TFAP2D: variants seen among roughly 807,000 people sequenced by gnomAD.
TFAP2D encodes transcription factor AP-2 delta.
In TFAP2D, 9 loss-of-function variants were observed where a neutral mutation model predicts 43.6. The ratio of observed to expected loss-of-function variants is 0.21; its 90% CI spans 0.12 to 0.36. TFAP2D has a LOEUF of 0.36. Among genes scored for constraint, TFAP2D ranks in the 10% least tolerant of loss-of-function variants. TFAP2D has a pLI of 1.00. For missense variants in TFAP2D, 513 were observed against 561.4 expected (o/e 0.91, Z 0.87); for synonymous variants, 256 against 224.9 (o/e 1.14, Z -1.24).
chr6:50,714,978 C>T, intron 1 of TFAP2D, 138 bp from the exon 2 acceptor site: 5 of 1,160,696 alleles, frequency 4.3e-6, no homozygotes, highest in Non-Finnish European at 5.9e-6. Context: ...GACCCGGCTT[C>T]GGCTCGGCCC....
In TFAP2D at chr6:50,715,385, G is replaced by C; in HGVS notation, c.309G>C (p.Gln103His). The change falls in exon 2 of 8, where the codon CAG becomes CAC. Residue 103 changes from glutamine to histidine, a missense_variant. By Grantham distance (24) the Gln-to-His change is conservative. Transcript: ENST00000008391. ...NSLHHSQQYY[Q>H]QIHHGEPTDF... ...TCCACCACTCGCAACAGTACTACCA[G>C]CAGATCCACCACGGGGAGCCCACCG... is the stretch of plus-strand genomic sequence containing the variant. The C allele has an allele frequency of 6.2e-6, 10 of 1,614,122 alleles. No individual in the cohort carries two copies. Among genetic ancestry groups the C allele is most frequent in the Non-Finnish European group, 7.6e-6 (9 of 1,180,032 alleles).
chr6:50,741,472 G>T (rs899672207), intron 5 of TFAP2D, among the ~76,000 whole-genome samples: 4 of 151,952 alleles, frequency 2.6e-5, no homozygotes, highest in African/African-American at 9.7e-5. Flanking sequence ...TGTATGTGTT[G>T]CTCCTTTCTA....
At chr6:50,747,694 C>T (rs9349553) in intron 6 of TFAP2D, among the ~76,000 whole-genome samples, 112,716 of 151,924 alleles carry the variant, frequency 0.74, 42,199 homozygotes, top group East Asian at 0.85. Flanking sequence ...AAATTGGCAC[C>T]GAGATTGTGT....
intron 7 of TFAP2D, among the ~76,000 whole-genome samples, chr6:50,752,633 C>T (rs745355827): frequency 3.2e-4 from 48 of 151,856 alleles, no homozygotes; most frequent in African/African-American, 1.1e-3. Context: ...CACAAGTTTC[C>T]TCAAGATGTA....
At chr6:50,736,466 GTTATCTA>G (rs1450165860) in intron 5 of TFAP2D, among the ~76,000 whole-genome samples, 2 of 152,156 alleles carry the variant, frequency 1.3e-5, no homozygotes, top group Non-Finnish European at 2.9e-5. Flanking sequence ...AAAACTTATT[GTTATCTA>G]TTATCTAAAA....
chr6:50,714,236 T>C, intron 1 of TFAP2D, 142 bp downstream of exon 1: 1 of 998,268 alleles, frequency 1.0e-6, no homozygotes, highest in Non-Finnish European at 1.4e-6. Context: ...AATCTGTCTT[T>C]CGGGGGAAGT....
At chr6:50,746,780 A>G (rs753432172) in intron 6 of TFAP2D, among the ~76,000 whole-genome samples, 1 of 152,142 alleles carries the variant, frequency 6.6e-6, no homozygotes, top group Non-Finnish European at 1.5e-5. Context: ...TTTGTCCAAG[A>G]CACTTGAGTC....
chr6:50,757,095 C>G (rs1769275668), intron 7 of TFAP2D, among the ~76,000 whole-genome samples: 2 of 151,626 alleles, frequency 1.3e-5, no homozygotes, highest in Non-Finnish European at 2.9e-5. Context: ...CTTTTTTTCT[C>G]AGCATGTACC....
chr6:50,751,462 T>A (rs1052628024), intron 7 of TFAP2D, 138 bp downstream of exon 7: 2 of 558,980 alleles, frequency 3.6e-6, no homozygotes, highest in African/African-American at 3.9e-5. Flanking sequence ...TATAACAAAA[T>A]ACCTTAGACT....
chr6:50,764,898 T>C (rs547210512), intron 7 of TFAP2D, among the ~76,000 whole-genome samples: 1 of 152,332 alleles, frequency 6.6e-6, no homozygotes, highest in Non-Finnish European at 1.5e-5. Context: ...TCACCTCACA[T>C]AGTTACATTT....
intron 5 of TFAP2D, among the ~76,000 whole-genome samples, chr6:50,742,581 G>C (rs1346396714): frequency 3.7e-5 from 2 of 54,468 alleles, no homozygotes; most frequent in Non-Finnish European, 1.0e-4. Flanking sequence ...CACATAGATA[G>C]ATAGATAGAT....
intron 7 of TFAP2D, among the ~76,000 whole-genome samples, chr6:50,765,569 G>C (rs1436383998): frequency 1.3e-5 from 2 of 152,168 alleles, no homozygotes; most frequent in Admixed American, 1.3e-4. Flanking sequence ...CAAATGTGAA[G>C]TGATATCTCA....
At chr6:50,718,588 A>G (rs1390079846) in intron 2 of TFAP2D, among the ~76,000 whole-genome samples, 1 of 152,114 alleles carries the variant, frequency 6.6e-6, no homozygotes, top group East Asian at 1.9e-4. Context: ...CATACGGCCC[A>G]TTTTGGGTAG....
At chr6:50,719,301 C>A in intron 3 of TFAP2D, 151 bp downstream of exon 3, 1 of 813,198 alleles carries the variant, frequency 1.2e-6, no homozygotes, top group Non-Finnish European at 1.9e-6. Context: ...CTGGCATATC[C>A]ACATTAAAAA....
chr6:50,719,448 A>AGAAG (rs1163616691), intron 3 of TFAP2D, among the ~76,000 whole-genome samples: 1 of 25,200 alleles, frequency 4.0e-5, no homozygotes, highest in African/African-American at 1.9e-4. Context: ...AAAGACAGAG[A>AGAAG]GAAAGAAAGA....
In TFAP2D at chr6:50,729,217, G is replaced by T. The variant is rs373051413; in HGVS notation, c.788G>T (p.Arg263Leu). 2 of 1,613,856 alleles carry T rather than the reference G, an allele frequency of 1.2e-6. No homozygotes were observed. Among genetic ancestry groups the T allele is most frequent in the East Asian group, 2.2e-5 (1 of 44,872 alleles). ...LRRAKSKNGGRCLREKLDRLG... is the reference protein window; with the variant it reads ...LRRAKSKNGGLCLREKLDRLG... Reference sequence around the variant, plus strand: ...AGAGCAAAATCAAAGAATGGGGGCCGCTGCCTGAGAGAGAAATTGGATAGG... The same window carrying T: ...AGAGCAAAATCAAAGAATGGGGGCCTCTGCCTGAGAGAGAAATTGGATAGG... The change falls in exon 5 of 8, where the codon CGC becomes CTC. Residue 263 changes from arginine (R) to leucine (L), a missense_variant. Arg to Leu is a moderately radical substitution (Grantham distance 102). This residue lies in a region of TFAP2D where 199 missense variants were observed against 227.9 expected (regional missense o/e 0.87). Transcript: ENST00000008391.
At chr6:50,729,101 T>C (rs1369958007) in intron 4 of TFAP2D, 80 bp downstream of exon 4, 2 of 1,601,592 alleles carry the variant, frequency 1.2e-6, no homozygotes, top group African/African-American at 2.7e-5. Context: ...ATGTCTTCCA[T>C]CTGATAGTGT....
chr6:50,744,812 T>A (rs1011584077), intron 5 of TFAP2D, among the ~76,000 whole-genome samples: 2 of 152,162 alleles, frequency 1.3e-5, no homozygotes, highest in Non-Finnish European at 2.9e-5. Flanking sequence ...CAGTCTGGTC[T>A]AATGGCCAGA....
In TFAP2D at chr6:50,772,757, G is replaced by A. The variant is rs780638088; in HGVS notation, c.1252G>A (p.Gly418Ser). ...GGAAAAACACACTACTCACAAGAAC[G>A]GCGGAGCGGCGGATTCTGGCCAAGG... The part of the protein sequence containing the change: ...YLEKHTTHKN[G>S]GAADSGQGHA... The change falls in exon 8 of 8, where the codon GGC (glycine) becomes AGC (serine). Residue 418 changes from glycine to serine, a missense_variant. Around this residue, in one of 3 missense-constraint regions of TFAP2D, gnomAD observed 199 missense variants for 227.9 expected, o/e 0.87. Coordinates refer to ENST00000008391, the MANE Select transcript of TFAP2D (RefSeq NM_172238.4). 14 of 1,614,072 alleles carry A rather than the reference G, an allele frequency of 8.7e-6. No individual in the cohort carries two copies. The highest frequency in any genetic ancestry group is 4.5e-5 in the East Asian group (2 of 44,872).
Sources: allele counts gnomAD v4.1 joint callset (sites outside exome capture counted in the v4.1 genomes callset), GRCh38; gene constraint gnomAD v4.1.1; regional missense constraint gnomAD v4.1.1; transcripts MANE v1.5; gene names NCBI Gene and HGNC (gene_info 2026-07-23, HGNC 2026-07-21).